Variants in PTPRZ1 observed in about 807,000 individuals in gnomAD.
PTPRZ1 encodes receptor-type tyrosine-protein phosphatase zeta.
PTPRZ1 carries 82 observed loss-of-function variants against 214.1 expected under a neutral mutation model. The observed-to-expected ratio is 0.38, with a 90% CI of 0.32 to 0.46. PTPRZ1 has a LOEUF of 0.46. PTPRZ1 is among the 20% of genes least tolerant of loss of function. The pLI is 1.00. For synonymous variants in PTPRZ1, 945 were observed against 987.9 expected, an observed-to-expected ratio of 0.96 and a Z score of 0.81; for missense variants, 2,603 against 2,748.7, an observed-to-expected ratio of 0.95 and a Z score of 1.19.
intron 1 of PTPRZ1, among the ~76,000 whole-genome samples, chr7:121,898,261 G>GT (rs1794860796): frequency 4.4e-5 from 4 of 90,372 alleles, no homozygotes; most frequent in African/African-American, 9.2e-5. Context: ...TAATGTGATG[G>GT]GTTTTTTTTT....
intron 26 of PTPRZ1, among the ~76,000 whole-genome samples, chr7:122,054,735 G>A (rs1461523170): frequency 6.6e-6 from 1 of 151,934 alleles, no homozygotes; most frequent in African/African-American, 2.4e-5. Context: ...AAATAATAAA[G>A]CAATAGTTTG....
intron 20 of PTPRZ1, among the ~76,000 whole-genome samples, chr7:122,040,007 G>C (rs1199518171): frequency 1.3e-5 from 2 of 151,242 alleles, no homozygotes; most frequent in Non-Finnish European, 3.0e-5. Flanking sequence ...AAAAAAAAAA[G>C]AATTCTTATC....
intron 8 of PTPRZ1, among the ~76,000 whole-genome samples, chr7:121,988,753 A>G (rs1385211542): frequency 6.6e-6 from 1 of 152,224 alleles, no homozygotes; most frequent in Non-Finnish European, 1.5e-5. Flanking sequence ...TGGGGTTAAA[A>G]AGAGCATATG....
At chr7:121,907,041 T>A (rs543548361) in intron 1 of PTPRZ1, among the ~76,000 whole-genome samples, 1 of 152,166 alleles carries the variant, frequency 6.6e-6, no homozygotes, top group Non-Finnish European at 1.5e-5. Context: ...AAGTCTCTTA[T>A]GTGTGAATAT....
intron 2 of PTPRZ1, among the ~76,000 whole-genome samples, chr7:121,958,455 A>G (rs1796777012): frequency 6.6e-6 from 1 of 152,152 alleles, no homozygotes; most frequent in Non-Finnish European, 1.5e-5. Context: ...ATGCTGCCTA[A>G]ATGTTAGTGC....
intron 2 of PTPRZ1, among the ~76,000 whole-genome samples, chr7:121,937,175 A>G (rs1796110922): frequency 6.6e-6 from 1 of 152,170 alleles, no homozygotes; most frequent in Non-Finnish European, 1.5e-5. Context: ...CAATTGCACA[A>G]TTGCACAAGT....
At chr7:121,981,122 G>A (rs534190235) in intron 6 of PTPRZ1, among the ~76,000 whole-genome samples, 3 of 150,940 alleles carry the variant, frequency 2.0e-5, no homozygotes, top group South Asian at 2.1e-4. Flanking sequence ...CAGCCTGGGC[G>A]GCAGCGAGAC....
At chr7:121,921,577 G>C (rs1233672901) in intron 1 of PTPRZ1, among the ~76,000 whole-genome samples, 1 of 151,882 alleles carries the variant, frequency 6.6e-6, no homozygotes, top group Non-Finnish European at 1.5e-5. Flanking sequence ...GAGGTTACCT[G>C]GACTCTTATA....
chr7:121,978,316 GTC>G (rs1405706076), intron 6 of PTPRZ1, among the ~76,000 whole-genome samples: 2 of 152,092 alleles, frequency 1.3e-5, no homozygotes, highest in Non-Finnish European at 2.9e-5. Context: ...CTCTCTCTCT[GTC>G]TCTCTACCTC....
At chr7:121,923,598 A>G (rs1325345127) in intron 1 of PTPRZ1, among the ~76,000 whole-genome samples, 1 of 152,078 alleles carries the variant, frequency 6.6e-6, no homozygotes, top group Non-Finnish European at 1.5e-5. Flanking sequence ...TGAAACAGAG[A>G]CTTTCTTTAG....
intron 1 of PTPRZ1, among the ~76,000 whole-genome samples, chr7:121,879,314 G>A (rs1794159879): frequency 6.6e-6 from 1 of 152,188 alleles, no homozygotes; most frequent in South Asian, 2.1e-4. Context: ...ATGTGTACAA[G>A]TGCATGCGCC....
At chr7:121,998,784 T>A (rs914772556) in intron 10 of PTPRZ1, among the ~76,000 whole-genome samples, 3 of 152,172 alleles carry the variant, frequency 2.0e-5, no homozygotes, top group Admixed American at 2.0e-4. Context: ...ATCACATACA[T>A]CTGCATAAAT....
chr7:122,059,698 G>T, intron 28 of PTPRZ1, 55 bp from the exon 29 acceptor site: 2 of 1,544,002 alleles, frequency 1.3e-6, no homozygotes, highest in Non-Finnish European at 1.7e-6. Context: ...AGTTCTAAAT[G>T]TGAGTGGTGC....
In PTPRZ1 at chr7:121,904,888, A is replaced by G. The variant is rs182969928; in HGVS notation, c.59-23268A>G. Among the ~76,000 whole-genome samples the G allele has an allele frequency of 2.0e-3, 306 of 152,330 alleles. 1 individual carries two copies. Among genetic ancestry groups the G allele is most frequent in the African/African-American group, 6.6e-3 (275 of 41,582 alleles). Reference sequence around the variant, plus strand: ...AGCTACCTAGAAAAATAATGATATTAGGTAATCTACAATCTTTTAGCTTTT... The same window carrying G: ...AGCTACCTAGAAAAATAATGATATTGGGTAATCTACAATCTTTTAGCTTTT... On this transcript the variant is annotated intron_variant, in intron 1 of 29. Transcript: ENST00000393386.
chr7:121,916,983 A>G (rs1795447213), intron 1 of PTPRZ1, among the ~76,000 whole-genome samples: 1 of 152,218 alleles, frequency 6.6e-6, no homozygotes, highest in African/African-American at 2.4e-5. Context: ...GAGGCATGAG[A>G]TGGGGACTAA....
chr7:121,903,660 G>A (rs1173398221), intron 1 of PTPRZ1, among the ~76,000 whole-genome samples: 10 of 151,854 alleles, frequency 6.6e-5, no homozygotes, highest in East Asian at 1.9e-4. Context: ...TTGTGCTTTC[G>A]GCTCACTTTG....
intron 1 of PTPRZ1, among the ~76,000 whole-genome samples, chr7:121,896,779 A>T (rs990015686): frequency 2.0e-5 from 3 of 151,136 alleles, no homozygotes; most frequent in Admixed American, 6.6e-5. Context: ...CCTCAAATAA[A>T]AAAAAAAAAA....
chr7:122,018,804 A>T (rs545292815), intron 12 of PTPRZ1, among the ~76,000 whole-genome samples: 1 of 152,158 alleles, frequency 6.6e-6, no homozygotes, highest in East Asian at 1.9e-4. Context: ...ATCAGTAGTG[A>T]TTTTTAAATT....
rs76550563 is a variant in PTPRZ1 at position 121,955,693 on chromosome 7, C to T, written c.125-12258C>T. Among the ~76,000 whole-genome samples, 5 of 152,256 alleles carry T rather than the reference C, an allele frequency of 3.3e-5. No homozygotes were observed. In the East Asian group the frequency reaches 7.7e-4, roughly 23 times the overall value. On this transcript the variant is annotated intron_variant, in intron 2 of 29. Coordinates refer to ENST00000393386, the MANE Select transcript of PTPRZ1 (RefSeq NM_002851.3). ...TCTGAGTATTAAAATTCAGTAGGTG[C>T]AATTAGACAGAATCAGGCAAATATA...
Sources: gnomAD v4.1 joint callset for allele counts (sites outside exome capture counted in the v4.1 genomes callset) on GRCh38, gnomAD v4.1.1 for gene constraint, MANE v1.5 for transcripts, NCBI Gene and HGNC (gene_info 2026-07-23, HGNC 2026-07-21) for gene names.